Variants in RHPN2 observed in about 807,000 individuals in gnomAD.
RHPN2 encodes rhophilin-2.
RHPN2 carries 40 observed loss-of-function variants against 79.0 expected under a neutral mutation model. That is an observed-to-expected ratio of 0.51 (90% confidence interval 0.39 to 0.66). The LOEUF (loss-of-function observed/expected upper bound fraction) is 0.66. Among genes scored for constraint, RHPN2 ranks in the 30% least tolerant of loss-of-function variants. RHPN2 has a pLI of 0.00. For missense variants in RHPN2, 686 were observed against 883.5 expected, an observed-to-expected ratio of 0.78 and a Z score of 2.83; for synonymous variants, 285 against 363.5, an observed-to-expected ratio of 0.78 and a Z score of 2.46.
At chr19:33,027,508 A>G (rs1371240359) in intron 2 of RHPN2, among the ~76,000 whole-genome samples, 1 of 151,798 alleles carries the variant, frequency 6.6e-6, no homozygotes. Context: ...AAGCTAAAAT[A>G]AGATAAAATG....
intron 1 of RHPN2, among the ~76,000 whole-genome samples, chr19:33,056,626 C>T (rs1972234752): frequency 6.6e-6 from 1 of 152,138 alleles, no homozygotes; most frequent in Non-Finnish European, 1.5e-5. Context: ...GTTGCATTTC[C>T]ACTTCTTGAG....
At chr19:33,056,107 TC>T (rs920468378) in intron 1 of RHPN2, among the ~76,000 whole-genome samples, 3 of 150,130 alleles carry the variant, frequency 2.0e-5, no homozygotes, top group Non-Finnish European at 2.9e-5. Context: ...CTTTTTTTTT[TC>T]TTTTTTCCTT....
chr19:33,034,818 G>A (rs1972043934), intron 2 of RHPN2, among the ~76,000 whole-genome samples: 1 of 148,606 alleles, frequency 6.7e-6, no homozygotes, highest in African/African-American at 2.5e-5. Context: ...TTACAAGAAA[G>A]CCAGGTGAAG....
chr19:33,041,210 C>T (rs750333660), intron 2 of RHPN2, among the ~76,000 whole-genome samples: 3 of 152,062 alleles, frequency 2.0e-5, no homozygotes, highest in Non-Finnish European at 4.4e-5. Context: ...ACCCCTATTC[C>T]AACAGATCTA....
intron 6 of RHPN2, among the ~76,000 whole-genome samples, chr19:33,009,818 G>A (rs1338085266): frequency 3.3e-5 from 5 of 150,680 alleles, no homozygotes; most frequent in Admixed American, 2.7e-4. Flanking sequence ...TTGCTCTTTC[G>A]CCCAGGCTAG....
intron 1 of RHPN2, among the ~76,000 whole-genome samples, chr19:33,062,286 C>G (rs529424890): frequency 6.6e-6 from 1 of 152,004 alleles, no homozygotes; most frequent in Admixed American, 6.6e-5. Flanking sequence ...CATGGCAAAA[C>G]CTTGCCTCTA....
intron 14 of RHPN2, among the ~76,000 whole-genome samples, chr19:32,985,638 CCTT>C (rs753258500): frequency 2.6e-5 from 4 of 152,054 alleles, no homozygotes; most frequent in African/African-American, 4.8e-5. Flanking sequence ...AAAAAACAAA[CCTT>C]CTTTTTTCTA....
intron 13 of RHPN2, among the ~76,000 whole-genome samples, chr19:32,991,013 T>TA (rs1212027711): frequency 0.065 from 7,052 of 109,160 alleles, 513 homozygotes; most frequent in East Asian, 0.32. Context: ...TGGGTGCAAT[T>TA]AAAAAAAAAA....
chr19:33,003,402 A>G (rs1483243535), intron 7 of RHPN2, among the ~76,000 whole-genome samples: 1 of 151,658 alleles, frequency 6.6e-6, no homozygotes, highest in Non-Finnish European at 1.5e-5. Context: ...AGGAGAAAAA[A>G]AAAAGAACCG....
chr19:33,019,862 T>TTGG (rs1971909156), intron 4 of RHPN2, among the ~76,000 whole-genome samples: 1 of 152,182 alleles, frequency 6.6e-6, no homozygotes, highest in Non-Finnish European at 1.5e-5. Flanking sequence ...ATGCCTGGGC[T>TTGG]GCATGGCGCA....
At chr19:33,014,468 G>A (rs989043689) in intron 4 of RHPN2, among the ~76,000 whole-genome samples, 2 of 152,020 alleles carry the variant, frequency 1.3e-5, no homozygotes, top group African/African-American at 4.8e-5. Context: ...ACCACACTCA[G>A]CTAATATTGT....
At chr19:33,024,712 G>A (rs1233007034) in intron 3 of RHPN2, among the ~76,000 whole-genome samples, 3 of 152,326 alleles carry the variant, frequency 2.0e-5, no homozygotes, top group East Asian at 1.9e-4. Context: ...GAAGAAGCAC[G>A]TAAACCCTTC....
chr19:33,011,753 T>G lies in RHPN2; in HGVS notation c.519A>C (p.Thr173=), dbSNP rs1221261952. The G allele has an allele frequency of 1.9e-6, 3 of 1,613,928 alleles. No individual in the cohort carries two copies. The highest frequency in any genetic ancestry group is 2.5e-6 in the Non-Finnish European group (3 of 1,179,864). The change falls in exon 6 of 15, where the codon ACA becomes ACC. Residue 173 remains threonine (T), a synonymous_variant. Coordinates refer to ENST00000254260, the MANE Select transcript of RHPN2 (RefSeq NM_033103.5). ...RDEAGVELLM[T]YFIQLGFVES... is the part of the protein sequence containing the mutation. The stretch of plus-strand genomic sequence containing the variant: ...CGACAAAGCCCAGCTGGATGAAGTA[T>G]GTCATCAGCAGTTCCACCCCGGCCT...
Position 33,002,805 on chromosome 19 carries a change from A to T in RHPN2, c.948+8T>A, listed in dbSNP as rs201787348. 7 of 1,613,516 alleles carry T rather than the reference A, an allele frequency of 4.3e-6. No homozygotes were observed. On this transcript the variant is annotated splice_region_variant and intron_variant, in intron 8 of 14. Transcript: ENST00000254260. ...CTCCCCAAAGTCACAGGAACCAGGG[A>T]GTCCTACCTTAGCAGCCTCCTGAGC...
chr19:33,058,703 C>A (rs1424859768), intron 1 of RHPN2, among the ~76,000 whole-genome samples: 1 of 152,158 alleles, frequency 6.6e-6, no homozygotes, highest in African/African-American at 2.4e-5. Flanking sequence ...TCACTTGAAC[C>A]CGGGAGGCGG....
intron 2 of RHPN2, among the ~76,000 whole-genome samples, chr19:33,033,809 G>T (rs1972031720): frequency 6.6e-6 from 1 of 151,948 alleles, no homozygotes; most frequent in Non-Finnish European, 1.5e-5. Flanking sequence ...ACAGGTTGCG[G>T]TGAGCCGAGA....
intron 1 of RHPN2, among the ~76,000 whole-genome samples, chr19:33,046,761 G>A (rs976188718): frequency 6.6e-6 from 1 of 152,086 alleles, no homozygotes; most frequent in African/African-American, 2.4e-5. Flanking sequence ...GTTTTGAATT[G>A]TGTCTCCCTG....
chr19:33,041,642 T>C (rs768714718), intron 2 of RHPN2, among the ~76,000 whole-genome samples: 3 of 152,212 alleles, frequency 2.0e-5, no homozygotes, highest in Admixed American at 6.6e-5. Flanking sequence ...CCCTAGTTCC[T>C]GCCTGAGAAA....
rs914785080 is a variant in RHPN2 at position 33,062,796 on chromosome 19, TAATA to T, written c.69+1984_69+1987del. ...ATAATAATAATAATAATAATAATAATAATAATAATTAATAAATGAAAAACACCCA... is the reference window on the plus strand; with the variant it reads ...ATAATAATAATAATAATAATAATAATATAATTAATAAATGAAAAACACCCA... On this transcript the variant is annotated intron_variant, in intron 1 of 14. Transcript: ENST00000254260. Among the ~76,000 whole-genome samples, 57 of 139,822 alleles carry T rather than the reference TAATA, an allele frequency of 4.1e-4. 1 individual carries two copies. The South Asian group carries it at 7.9e-3, about 19-fold the overall frequency. 91.7% of individuals were successfully genotyped at this position (139,822 alleles called of 152,430 possible).
Sources: allele counts gnomAD v4.1 joint callset (sites outside exome capture counted in the v4.1 genomes callset), GRCh38; gene constraint gnomAD v4.1.1; transcripts MANE v1.5; gene names NCBI Gene and HGNC (gene_info 2026-07-23, HGNC 2026-07-21).